POLR2F: variants seen among roughly 807,000 people sequenced by gnomAD.
POLR2F encodes the protein RNA polymerase II, I and III subunit F.
POLR2F carries 12 observed loss-of-function variants against 22.7 expected under a neutral mutation model. The ratio of observed to expected loss-of-function variants is 0.53; its 90% confidence interval spans 0.34 to 0.86. The LOEUF (loss-of-function observed/expected upper bound fraction) is 0.86, where lower values mean the gene tolerates loss of function less well. POLR2F is among the 40% of genes least tolerant of loss of function. POLR2F has a pLI of 0.02. For missense variants in POLR2F, 126 were observed against 171.5 expected (o/e 0.73, Z 1.48); for synonymous variants, 57 against 66.0 (o/e 0.86, Z 0.66).
downstream of POLR2F, among the ~76,000 whole-genome samples, chr22:38,030,781 G>T (rs1036003603): frequency 1.3e-5 from 2 of 152,130 alleles, no homozygotes; most frequent in African/African-American, 4.8e-5. Flanking sequence ...GTGGGGAGGT[G>T]TGGGTGGGGG....
exon 6 of POLR2F, chr22:38,041,089 GTGACTCGCC>G: frequency 2.5e-6 from 4 of 1,612,946 alleles, no homozygotes; most frequent in Non-Finnish European, 3.4e-6. Flanking sequence ...TCAGAGAGGA[GTGACTCGCC>G]TGAAGCCCCG....
downstream of POLR2F, among the ~76,000 whole-genome samples, chr22:38,027,107 C>T (rs927628165): frequency 2.6e-5 from 4 of 152,060 alleles, no homozygotes; most frequent in African/African-American, 9.7e-5. Flanking sequence ...TCGTGGAGTG[C>T]GAGATGGCAT....
chr22:38,000,341 G>C (rs562819314), intron 1 of POLR2F, among the ~76,000 whole-genome samples: 1 of 152,346 alleles, frequency 6.6e-6, no homozygotes, highest in East Asian at 1.9e-4. Flanking sequence ...GGAGTAAACA[G>C]AGTTGGCAGG....
chr22:37,967,821 TCTGCAATGTCACCAC>T lies in POLR2F; in HGVS notation c.*110_*124del. On this transcript the variant is annotated 3_prime_UTR_variant, in exon 5 of 5. Transcript: ENST00000442738. ...TTCCAACCCCCTTCCCCTCTGCTTA[TCTGCAATGTCACCAC>T]CTGTTGCTTCCCCGTTACCGCCATG... 1 of 1,471,250 alleles carries T rather than the reference TCTGCAATGTCACCAC, an allele frequency of 6.8e-7. No homozygotes were observed. The highest frequency in any genetic ancestry group is 9.0e-7 in the Non-Finnish European group (1 of 1,114,286). The allele number at this position is 1,471,250 out of a possible 1,614,324, so 91.1% of individuals were successfully genotyped here.
rs1555936082 is a variant in POLR2F at position 37,968,175 on chromosome 22, T to TTCGAGCCTCTTATCGTGGGC, written c.*464_*483dup. 1 of 985,514 alleles carries TTCGAGCCTCTTATCGTGGGC rather than the reference T, an allele frequency of 1.0e-6. No individual in the cohort carries two copies. Among genetic ancestry groups the TTCGAGCCTCTTATCGTGGGC allele is most frequent in the Non-Finnish European group, 1.2e-6 (1 of 830,070 alleles). 61.0% of individuals were successfully genotyped at this position (985,514 alleles called of 1,614,324 possible). A position where few individuals can be genotyped will look rare whatever the true frequency, so the allele number is the denominator to read the frequency against. ...CACCCATTGTTTCCTAAGGACCTGC[T>TTCGAGCCTCTTATCGTGGGC]TCGAGCCTCTTATCGTGGGCTCGGA... On this transcript the variant is annotated 3_prime_UTR_variant, in exon 5 of 5. Transcript: ENST00000442738.
At chr22:37,963,970 C>T (rs1023492478) in intron 3 of POLR2F, among the ~76,000 whole-genome samples, 5 of 152,114 alleles carry the variant, frequency 3.3e-5, no homozygotes, top group South Asian at 4.2e-4. Context: ...GGTGTGGTGG[C>T]GCGCGCCTAT....
chr22:38,003,577 A>AT lies in POLR2F; in HGVS notation c.120+17278dup, dbSNP rs57426161. On this transcript the variant is annotated intron_variant, in intron 1 of 2. Transcript: ENST00000333418. ...AGAGTGGTGGTGACACAGTCAGCCTATTTTTTTTTTTTTCTTTTTGAGACG... is the reference window on the plus strand; with the variant it reads ...AGAGTGGTGGTGACACAGTCAGCCTATTTTTTTTTTTTTTCTTTTTGAGACG... Among the ~76,000 whole-genome samples, 372 of 136,950 alleles carry AT rather than the reference A, an allele frequency of 2.7e-3. 1 individual carries two copies. Among genetic ancestry groups the AT allele is most frequent in the African/African-American group, 5.2e-3 (194 of 37,228 alleles). The allele number at this position is 136,950 out of a possible 152,430, so 89.8% of individuals were successfully genotyped here.
rs201777584 is a variant in POLR2F at position 37,959,524 on chromosome 22, A to G, written c.221+48A>G. The stretch of plus-strand genomic sequence containing the variant: ...TCTTCTCCATCTGTCAGGCCACAGT[A>G]AGCTCTTGTACCGCTGATCTTTCCC... On this transcript the variant is annotated intron_variant, in intron 3 of 4. Transcript: ENST00000442738. 779 of 1,599,352 alleles carry G rather than the reference A, an allele frequency of 4.9e-4. 3 individuals carry two copies. The East Asian group carries it at 5.4e-3, about 11-fold the overall frequency.
At chr22:37,983,792 C>T (rs1360582970), upstream of POLR2F, 15 of 1,429,044 alleles carry the variant, frequency 1.0e-5, no homozygotes, top group Non-Finnish European at 1.4e-5. The surrounding 1 kb of genome is among the most constrained non-coding windows in gnomAD (Gnocchi z 9.5). Flanking sequence ...CATGTCGCCC[C>T]CGGCCGCCGC....
intron 5 of POLR2F, among the ~76,000 whole-genome samples, chr22:38,038,022 C>T (rs1487704421): frequency 1.3e-5 from 2 of 151,754 alleles, no homozygotes; most frequent in Non-Finnish European, 2.9e-5. Context: ...ACAGTAGGTG[C>T]TCATGAACAG....
chr22:37,998,937 G>C (rs1046270619), intron 1 of POLR2F, among the ~76,000 whole-genome samples: 1 of 152,016 alleles, frequency 6.6e-6, no homozygotes, highest in African/African-American at 2.4e-5. Context: ...AGCCCGCCCT[G>C]GTAGGAGGAC....
chr22:38,006,330 G>A (rs1009694946), intron 1 of POLR2F, among the ~76,000 whole-genome samples: 11 of 152,214 alleles, frequency 7.2e-5, no homozygotes, highest in Non-Finnish European at 1.5e-4. Flanking sequence ...GAGCAGGCAT[G>A]TGGGTGGCTA....
intron 1 of POLR2F, among the ~76,000 whole-genome samples, chr22:37,999,091 C>T (rs1019087972): frequency 3.9e-5 from 6 of 152,108 alleles, no homozygotes; most frequent in Non-Finnish European, 7.4e-5. Flanking sequence ...CCCTCTACCC[C>T]GAGGTGGGCC....
chr22:37,968,309 G>A lies in POLR2F; in HGVS notation c.*594G>A, dbSNP rs1931938272. ...AGTCAGCAGCTGGAGCAAGGACCGA[G>A]CACCTGCCTACCCCTGCCCCCATGG... On this transcript the variant is annotated 3_prime_UTR_variant, in exon 5 of 5. Coordinates refer to ENST00000442738, the MANE Select transcript of POLR2F (RefSeq NM_021974.5). The A allele has an allele frequency of 5.1e-6, 5 of 985,678 alleles. No homozygotes were observed. In the South Asian group the frequency reaches 1.4e-4, roughly 28 times the overall value. 61.1% of individuals were successfully genotyped at this position (985,678 alleles called of 1,614,324 possible).
downstream of POLR2F, chr22:37,973,675 G>C: frequency 6.2e-7 from 1 of 1,613,130 alleles, no homozygotes. Context: ...AGGGTCCTGA[G>C]GGCTGATGGT....
chr22:38,010,827 G>C (rs1305776446), intron 1 of POLR2F, among the ~76,000 whole-genome samples: 1 of 152,058 alleles, frequency 6.6e-6, no homozygotes, highest in Non-Finnish European at 1.5e-5. Context: ...ATGCAGGCCA[G>C]GCTGGTCTCG....
chr22:37,973,481 C>T (rs780196138), downstream of POLR2F: 66 of 1,530,842 alleles, frequency 4.3e-5, no homozygotes, highest in African/African-American at 5.5e-5. Context: ...GGGGTGGTGG[C>T]GACAGGGCCC....
chr22:38,041,467 G>C, downstream of POLR2F: 1 of 295,890 alleles, frequency 3.4e-6, no homozygotes, highest in South Asian at 6.2e-5. Context: ...TGTGGGCGGT[G>C]GAAAAGCTCC....
chr22:37,973,902 C>G, downstream of POLR2F: 2 of 1,610,192 alleles, frequency 1.2e-6, no homozygotes, highest in Non-Finnish European at 1.7e-6. Flanking sequence ...GAGATCCAGG[C>G]GGAGTGTCCA....
Sources: gnomAD v4.1 joint callset for allele counts (sites outside exome capture counted in the v4.1 genomes callset) on GRCh38, gnomAD v4.1.1 for gene constraint, Gnocchi (gnomAD v3.1) non-coding constraint, MANE v1.5 for transcripts, NCBI Gene and HGNC (gene_info 2026-07-23, HGNC 2026-07-21) for gene names.